Variants in CHST11 observed in about 807,000 individuals in gnomAD.
CHST11 encodes C4S-1.
In CHST11, 9 loss-of-function variants were observed where a neutral mutation model predicts 30.4. The ratio of observed to expected loss-of-function variants is 0.30; its 90% CI spans 0.18 to 0.52. The LOEUF (loss-of-function observed/expected upper bound fraction) is 0.52, where lower values mean the gene tolerates loss of function less well. Ranked by LOEUF, CHST11 falls within the 20% of genes least tolerant of loss-of-function variation. The probability of loss-of-function intolerance (pLI) is 0.97; values close to 1 mark genes in which losing one functional copy is unlikely to be tolerated. For missense variants in CHST11, 348 were observed against 460.6 expected (o/e 0.76, Z 2.24); for synonymous variants, 152 against 187.8 (o/e 0.81, Z 1.56).
intron 2 of CHST11, among the ~76,000 whole-genome samples, chr12:104,725,167 G>T (rs2040207228): frequency 6.6e-6 from 1 of 152,194 alleles, no homozygotes; most frequent in African/African-American, 2.4e-5. Context: ...GGATAATAAT[G>T]GTTCCCTCCT....
intron 2 of CHST11, among the ~76,000 whole-genome samples, chr12:104,740,921 C>T (rs2040341567): frequency 1.3e-5 from 2 of 152,236 alleles, no homozygotes. Flanking sequence ...TCCTGTTCCA[C>T]TTTCACTATG....
chr12:104,580,219 A>G (rs539899472), intron 1 of CHST11, among the ~76,000 whole-genome samples: 2 of 152,318 alleles, frequency 1.3e-5, no homozygotes, highest in South Asian at 4.1e-4. Flanking sequence ...ACAAGAAGGA[A>G]GATTTCAGGC....
intron 1 of CHST11, among the ~76,000 whole-genome samples, chr12:104,511,068 G>T (rs767879378): frequency 4.6e-5 from 7 of 152,194 alleles, no homozygotes; most frequent in Admixed American, 6.5e-5. Flanking sequence ...TAGACTTTGT[G>T]TGTGGAGGAA....
At chr12:104,478,399 C>T (rs1213579207) in intron 1 of CHST11, among the ~76,000 whole-genome samples, 1 of 152,222 alleles carries the variant, frequency 6.6e-6, no homozygotes, top group African/African-American at 2.4e-5. Flanking sequence ...CAGCACCTCT[C>T]TTCCACCAGG....
At chr12:104,539,036 A>G (rs1432801340) in intron 1 of CHST11, among the ~76,000 whole-genome samples, 1 of 152,236 alleles carries the variant, frequency 6.6e-6, no homozygotes, top group Non-Finnish European at 1.5e-5. Flanking sequence ...TGCCCAGAGA[A>G]GTGTTGCCCA....
intron 1 of CHST11, among the ~76,000 whole-genome samples, chr12:104,516,177 C>G (rs1461522156): frequency 2.0e-5 from 3 of 152,104 alleles, no homozygotes; most frequent in African/African-American, 7.2e-5. Context: ...GCATTCCTGG[C>G]CTTTACTCAC....
intron 2 of CHST11, among the ~76,000 whole-genome samples, chr12:104,613,207 A>C (rs1056475232): frequency 6.6e-6 from 1 of 152,084 alleles, no homozygotes; most frequent in Non-Finnish European, 1.5e-5. Flanking sequence ...TCAAAAAGAA[A>C]AAAAAAAGAT....
chr12:104,460,440 C>A (rs6539154), intron 1 of CHST11, among the ~76,000 whole-genome samples: 142,005 of 152,150 alleles, frequency 0.93, 66,414 homozygotes, highest in East Asian at 1. Flanking sequence ...GAGGCGGGTG[C>A]ATCACTTGAG....
At chr12:104,460,400 A>G (rs1593945174) in intron 1 of CHST11, among the ~76,000 whole-genome samples, 1 of 152,324 alleles carries the variant, frequency 6.6e-6, no homozygotes, top group East Asian at 1.9e-4. Flanking sequence ...GCGGTGGCTC[A>G]TACCTGGAAT....
At chr12:104,540,619 C>T (rs1174047964) in intron 1 of CHST11, among the ~76,000 whole-genome samples, 1 of 152,220 alleles carries the variant, frequency 6.6e-6, no homozygotes, top group Non-Finnish European at 1.5e-5. Context: ...GTGATCTTGT[C>T]TTAGATTGGT....
At chr12:104,621,874 G>A (rs2039162651) in intron 2 of CHST11, among the ~76,000 whole-genome samples, 1 of 152,206 alleles carries the variant, frequency 6.6e-6, no homozygotes, top group South Asian at 2.1e-4. Context: ...CAAGACCAGG[G>A]TCCAAAGGAG....
chr12:104,591,161 T>A (rs1403900245), intron 1 of CHST11, among the ~76,000 whole-genome samples: 1 of 151,830 alleles, frequency 6.6e-6, no homozygotes, highest in Non-Finnish European at 1.5e-5. Flanking sequence ...ATGACCAGTA[T>A]GGTGGAGGAG....
chr12:104,551,309 A>T (rs2038402077), intron 1 of CHST11, among the ~76,000 whole-genome samples: 1 of 152,138 alleles, frequency 6.6e-6, no homozygotes, highest in African/African-American at 2.4e-5. Context: ...CACCTCTTAG[A>T]TCGGCACACC....
intron 1 of CHST11, among the ~76,000 whole-genome samples, chr12:104,468,651 T>C (rs1017927891): frequency 6.6e-6 from 1 of 152,216 alleles, no homozygotes; most frequent in African/African-American, 2.4e-5. Context: ...CCAATGCCCC[T>C]CCTTGAGAAA....
chr12:104,528,488 T>A (rs569726319), intron 1 of CHST11, among the ~76,000 whole-genome samples: 1 of 152,290 alleles, frequency 6.6e-6, no homozygotes, highest in African/African-American at 2.4e-5. Flanking sequence ...AGGAAGAAAT[T>A]GTTCAGTGAC....
At chr12:104,514,243 T>C (rs1471753593) in intron 1 of CHST11, 6 of 868,462 alleles carry the variant, frequency 6.9e-6, no homozygotes, top group Admixed American at 6.8e-5. Context: ...TTTATTGGTG[T>C]TGGGGCAGCC....
At chr12:104,568,327 GC>G (rs1333613937) in intron 1 of CHST11, among the ~76,000 whole-genome samples, 6 of 152,176 alleles carry the variant, frequency 3.9e-5, no homozygotes, top group South Asian at 2.1e-4. Flanking sequence ...TGTGCCAGTG[GC>G]CCCCCTCCCA....
At chr12:104,608,429 C>T (rs980446416) in intron 2 of CHST11, among the ~76,000 whole-genome samples, 34 of 152,142 alleles carry the variant, frequency 2.2e-4, no homozygotes, top group Non-Finnish European at 2.9e-5. Context: ...TCACTAAAAC[C>T]TTGGCACTAT....
Position 104,489,962 on chromosome 12 carries a change from A to G in CHST11, c.118+32433A>G, listed in dbSNP as rs1261906748. ...AAGCCTCAGACCAGATTCTACCTCA[A>G]GCAGGCACACAAACATTCATGCAGC... On this transcript the variant is annotated intron_variant, in intron 1 of 2. Transcript: ENST00000303694. 3.9e-5 allele frequency among the ~76,000 whole-genome samples: 6 copies of G among 152,198 alleles called. No homozygotes were observed. In the East Asian group the frequency reaches 1.2e-3, roughly 29 times the overall value.
Sources: gnomAD v4.1 joint callset for allele counts (sites outside exome capture counted in the v4.1 genomes callset) on GRCh38, gnomAD v4.1.1 for gene constraint, MANE v1.5 for transcripts, NCBI Gene and HGNC (gene_info 2026-07-23, HGNC 2026-07-21) for gene names.